FGD3: variants seen among roughly 807,000 people sequenced by gnomAD.
The protein encoded by FGD3 is FYVE, RhoGEF and PH domain-containing protein 3.
Under a neutral mutation model 71.8 loss-of-function variants are expected in FGD3, and 45 were observed. The observed-to-expected ratio is 0.63, with a 90% CI of 0.49 to 0.80. FGD3 has a LOEUF of 0.80. Ranked by LOEUF, FGD3 falls within the 30% of genes least tolerant of loss-of-function variation. The probability of loss-of-function intolerance (pLI) is 0.00; values close to 1 mark genes in which losing one functional copy is unlikely to be tolerated. For synonymous variants in FGD3, 378 were observed against 392.8 expected, an observed-to-expected ratio of 0.96 and a Z score of 0.44; for missense variants, 844 against 951.5, an observed-to-expected ratio of 0.89 and a Z score of 1.49.
At chr9:93,010,731 G>C (rs1861305359) in intron 7 of FGD3, among the ~76,000 whole-genome samples, 1 of 151,014 alleles carries the variant, frequency 6.6e-6, no homozygotes, top group African/African-American at 2.4e-5. Flanking sequence ...GGGGGAGAGA[G>C]AGAGAAAGAG....
At chr9:93,012,560 G>A (rs1437679968) in intron 8 of FGD3, among the ~76,000 whole-genome samples, 3 of 152,040 alleles carry the variant, frequency 2.0e-5, no homozygotes, top group Non-Finnish European at 2.9e-5. Flanking sequence ...CGAGGTGGGC[G>A]AATTACTTGA....
chr9:92,972,276 C>T (rs1364422974), intron 1 of FGD3, among the ~76,000 whole-genome samples: 2 of 151,188 alleles, frequency 1.3e-5, no homozygotes, highest in East Asian at 3.9e-4. Context: ...TGGTGAAAAC[C>T]CATCTCTACT....
At chr9:92,974,482 G>C (rs1232812483) in intron 1 of FGD3, 2 of 152,280 alleles carry the variant, frequency 1.3e-5, no homozygotes, top group Admixed American at 1.3e-4. Context: ...CCAAGACAGT[G>C]AGCACTCAGG....
At chr9:93,032,699 T>C in intron 15 of FGD3, 70 bp from the exon 16 acceptor site, 1 of 1,417,384 alleles carries the variant, frequency 7.1e-7, no homozygotes, top group Non-Finnish European at 9.9e-7. Context: ...CCACTCTACC[T>C]CCTCTGGCAT....
intron 15 of FGD3, among the ~76,000 whole-genome samples, chr9:93,031,789 A>T (rs7024692): frequency 0.24 from 36,164 of 152,052 alleles, 4,694 homozygotes; most frequent in African/African-American, 0.35. Context: ...TACGTGGGGC[A>T]GGATGGAACA....
chr9:92,970,601 T>C (rs1859494725), intron 1 of FGD3, among the ~76,000 whole-genome samples: 1 of 152,224 alleles, frequency 6.6e-6, no homozygotes, highest in South Asian at 2.1e-4. Flanking sequence ...TTGGCATCTG[T>C]TAGTCTCAAG....
At chr9:93,011,670 A>G (rs1310567904) in intron 8 of FGD3, among the ~76,000 whole-genome samples, 1 of 151,542 alleles carries the variant, frequency 6.6e-6, no homozygotes, top group East Asian at 1.9e-4. Context: ...AGCCTGGCCA[A>G]TATGGTGAAA....
At chr9:93,013,151 C>T (rs1197995064) in intron 8 of FGD3, among the ~76,000 whole-genome samples, 1 of 152,248 alleles carries the variant, frequency 6.6e-6, no homozygotes, top group Non-Finnish European at 1.5e-5. Flanking sequence ...GCTGCTGGCT[C>T]CTCTGGTGCC....
At position 93,013,845 on chromosome 9, in the gene FGD3, C is replaced by T; in HGVS notation, c.1036-7C>T. On this transcript the variant is annotated splice_polypyrimidine_tract_variant and splice_region_variant and intron_variant, in intron 8 of 17. Transcript: ENST00000375482. ...CCTTTGGTGCCTGAGTCCCATGTCT[C>T]TTGCAGGAGAAAATGCACAAGCTCT... 1 of 1,612,584 alleles carries T rather than the reference C, an allele frequency of 6.2e-7. No homozygotes were observed. Among genetic ancestry groups the T allele is most frequent in the South Asian group, 1.1e-5 (1 of 90,624 alleles).
intron 16 of FGD3, 92 bp from the exon 17 acceptor site, chr9:93,034,449 A>G: frequency 6.9e-7 from 1 of 1,458,160 alleles, no homozygotes; most frequent in Non-Finnish European, 9.2e-7. Context: ...AGCTCCCCCC[A>G]AGCAGTGGCC....
At chr9:93,013,731 G>C (rs555510820) in intron 8 of FGD3, 121 bp from the exon 9 acceptor site, 4 of 1,249,838 alleles carry the variant, frequency 3.2e-6, no homozygotes. Context: ...TCCCACCCTT[G>C]TCAGTAGCTC....
intron 3 of FGD3, among the ~76,000 whole-genome samples, chr9:93,001,712 A>T (rs2118691366): frequency 6.6e-6 from 1 of 152,168 alleles, no homozygotes; most frequent in East Asian, 1.9e-4. Flanking sequence ...CTGGGCACTG[A>T]TTTCCCTAGG....
rs779118743 is a variant in FGD3, at chr9:93,034,703, G to T, written c.1926+22G>T. The T allele has an allele frequency of 2.5e-6, 4 of 1,606,560 alleles. No individual in the cohort carries two copies. The South Asian group carries it at 4.4e-5, about 18-fold the overall frequency. ...CCAGGTACGTGTCCCCACCCCACCA[G>T]GCCCTCAGGCCAGCAGCCCAGAGCC... On this transcript the variant is annotated intron_variant, in intron 17 of 17. Transcript: ENST00000375482.
intron 6 of FGD3, among the ~76,000 whole-genome samples, chr9:93,008,081 G>C (rs912121789): frequency 3.9e-5 from 6 of 152,120 alleles, no homozygotes; most frequent in Admixed American, 1.3e-4. Context: ...ACCTTTACAG[G>C]AAAGTTGCAA....
intron 15 of FGD3, 77 bp downstream of exon 15, chr9:93,030,073 A>G (rs1862298665): frequency 7.8e-6 from 12 of 1,540,098 alleles, no homozygotes; most frequent in Non-Finnish European, 1.1e-5. Context: ...AGTCCTCACC[A>G]GCAGCACACC....
At chr9:92,965,786 G>A (rs1409366179) in intron 1 of FGD3, among the ~76,000 whole-genome samples, 1 of 152,228 alleles carries the variant, frequency 6.6e-6, no homozygotes, top group East Asian at 1.9e-4. Context: ...GGAGTCACTG[G>A]TGCATGTGCT....
At chr9:93,030,097 A>T in intron 15 of FGD3, 101 bp downstream of exon 15, 1 of 1,402,064 alleles carries the variant, frequency 7.1e-7, no homozygotes. Context: ...CATGCACACC[A>T]GCCCTGCACG....
Position 93,010,257 on chromosome 9 carries a change from A to T in FGD3, c.849A>T (p.Val283=). 2 of 1,610,046 alleles carry T rather than the reference A, an allele frequency of 1.2e-6. No homozygotes were observed. Among genetic ancestry groups the T allele is most frequent in the Non-Finnish European group, 1.7e-6 (2 of 1,176,950 alleles). ...CTCTGTCCCCACAGAAGCAGGAGGTATGCGGGAACCTGACGCTGCAGCACC... is the reference window on the plus strand; with the variant it reads ...CTCTGTCCCCACAGAAGCAGGAGGTTTGCGGGAACCTGACGCTGCAGCACC... ...DVVHSIQKQE[V]CGNLTLQHHM... The change falls in exon 7 of 18, where the codon GTA becomes GTT. Residue 283 remains valine, a synonymous_variant. Coordinates refer to ENST00000375482, the MANE Select transcript of FGD3 (RefSeq NM_001083536.2).
At chr9:92,991,564 G>A (rs1860412856) in intron 3 of FGD3, among the ~76,000 whole-genome samples, 2 of 152,078 alleles carry the variant, frequency 1.3e-5, no homozygotes, top group African/African-American at 2.4e-5. Flanking sequence ...CTTGTTTTGT[G>A]TCCTAACATA....
Sources: allele counts gnomAD v4.1 joint callset (sites outside exome capture counted in the v4.1 genomes callset), GRCh38; gene constraint gnomAD v4.1.1; transcripts MANE v1.5; gene names NCBI Gene and HGNC (gene_info 2026-07-23, HGNC 2026-07-21).